BCAS1: variants seen among roughly 807,000 people sequenced by gnomAD.
The protein encoded by BCAS1 is breast carcinoma-amplified sequence 1.
BCAS1 carries 46 observed loss-of-function variants against 65.4 expected under a neutral mutation model. That is an observed-to-expected ratio of 0.70 (90% CI 0.55 to 0.90). The LOEUF is 0.90. Ranked by LOEUF, BCAS1 falls within the 40% of genes least tolerant of loss-of-function variation. The pLI is 0.00. For missense variants in BCAS1, 793 were observed against 771.2 expected, an observed-to-expected ratio of 1.03 and a Z score of -0.33; for synonymous variants, 298 against 293.5, an observed-to-expected ratio of 1.02 and a Z score of -0.16.
chr20:53,960,256 G>A (rs145875053), intron 10 of BCAS1, among the ~76,000 whole-genome samples: 2 of 152,158 alleles, frequency 1.3e-5, no homozygotes, highest in African/African-American at 4.8e-5. Context: ...TAAACTTCCC[G>A]TTAGTTGTTT....
intron 3 of BCAS1, among the ~76,000 whole-genome samples, chr20:54,048,452 T>A (rs2146262743): frequency 6.6e-6 from 1 of 152,208 alleles, no homozygotes; most frequent in Admixed American, 6.5e-5. Flanking sequence ...AGAGGATGCC[T>A]ACATGGTGGC....
intron 9 of BCAS1, among the ~76,000 whole-genome samples, chr20:53,972,114 T>C (rs1436465680): frequency 1.3e-5 from 2 of 152,192 alleles, no homozygotes; most frequent in Non-Finnish European, 2.9e-5. Context: ...TTCTGGAAAG[T>C]TGTAGGTAGA....
chr20:54,040,683 C>G (rs1375734040), intron 3 of BCAS1, among the ~76,000 whole-genome samples: 1 of 151,098 alleles, frequency 6.6e-6, no homozygotes, highest in Non-Finnish European at 1.5e-5. Context: ...ATCAGAGAGA[C>G]AATAACCAGT....
intron 10 of BCAS1, 74 bp from the exon 11 acceptor site, chr20:53,957,571 G>T: frequency 7.3e-7 from 1 of 1,369,692 alleles, no homozygotes; most frequent in Non-Finnish European, 1.0e-6. Flanking sequence ...GTTCTGAAAT[G>T]GATGATCTCA....
chr20:53,953,656 G>C lies in BCAS1; in HGVS notation c.1591C>G (p.Pro531Ala), dbSNP rs1199639988. The C allele has an allele frequency of 1.2e-6, 2 of 1,613,748 alleles. No individual in the cohort carries two copies. Among genetic ancestry groups the C allele is most frequent in the Non-Finnish European group, 8.5e-7 (1 of 1,180,004 alleles). The change falls in exon 12 of 13, where the codon CCT becomes GCT. Residue 531 changes from proline to alanine, a missense_variant. Coordinates refer to ENST00000688948, the MANE Select transcript of BCAS1 (RefSeq NM_001366298.2). ...TTCTGTGGTGCTCCTGTTGGTTCAG[G>C]CTCTGGCGGTGTGATAGTCTTTTCT... ...STEKTITPPE[P>A]EPTGAPQKGK...
At chr20:53,949,288 G>A (rs1311005471) in intron 12 of BCAS1, among the ~76,000 whole-genome samples, 1 of 152,194 alleles carries the variant, frequency 6.6e-6, no homozygotes, top group African/African-American at 2.4e-5. Flanking sequence ...AAAGGAAAAT[G>A]TTTTCAAACA....
At chr20:54,057,658 C>A (rs2092315541) in intron 3 of BCAS1, among the ~76,000 whole-genome samples, 3 of 152,206 alleles carry the variant, frequency 2.0e-5, no homozygotes. Flanking sequence ...GAAACAGGAT[C>A]TTTGCAGATG....
intron 4 of BCAS1, among the ~76,000 whole-genome samples, chr20:54,006,688 C>T (rs1308548386): frequency 2.1e-5 from 3 of 145,222 alleles, no homozygotes; most frequent in African/African-American, 5.3e-5. Flanking sequence ...CCAGCCTGGG[C>T]GACAGAGTGA....
intron 4 of BCAS1, among the ~76,000 whole-genome samples, chr20:54,027,629 T>C (rs1336470990): frequency 6.6e-6 from 1 of 152,218 alleles, no homozygotes; most frequent in Admixed American, 6.5e-5. Context: ...TTTTACTTCC[T>C]TCTTCTTTTA....
chr20:53,995,150 C>T, intron 5 of BCAS1, 94 bp from the exon 6 acceptor site: 1 of 1,038,584 alleles, frequency 9.6e-7, no homozygotes, highest in South Asian at 1.3e-5. Context: ...TGGTCCAGTT[C>T]ACCATACAGG....
intron 7 of BCAS1, 23 bp downstream of exon 7, chr20:53,992,489 T>C: frequency 7.3e-7 from 1 of 1,364,172 alleles, no homozygotes. Context: ...TTGTTTTTCC[T>C]CCTACTTTAA....
chr20:54,052,195 A>T (rs192187067), intron 3 of BCAS1, among the ~76,000 whole-genome samples: 430 of 152,316 alleles, frequency 2.8e-3, no homozygotes, highest in Non-Finnish European at 3.5e-3. Flanking sequence ...TGTAGCCTCC[A>T]CCATGATGAA....
chr20:54,067,969 G>A (rs2092464858), intron 1 of BCAS1, among the ~76,000 whole-genome samples: 1 of 152,212 alleles, frequency 6.6e-6, no homozygotes, highest in African/African-American at 2.4e-5. Flanking sequence ...CAGGAGGAAA[G>A]AACAACCCCG....
intron 7 of BCAS1, 136 bp from the exon 8 acceptor site, chr20:53,985,635 T>A: frequency 3.9e-6 from 3 of 764,682 alleles, no homozygotes; most frequent in Non-Finnish European, 6.0e-6. Flanking sequence ...TTCTGTATTT[T>A]AAAAATTTTT....
At chr20:54,040,708 G>T (rs2091975415) in intron 3 of BCAS1, among the ~76,000 whole-genome samples, 1 of 151,214 alleles carries the variant, frequency 6.6e-6, no homozygotes, top group Admixed American at 6.6e-5. Context: ...GGGAAGATGT[G>T]AAAAAATCGG....
intron 9 of BCAS1, among the ~76,000 whole-genome samples, chr20:53,972,336 T>G (rs1030389180): frequency 6.6e-6 from 1 of 152,214 alleles, no homozygotes; most frequent in African/African-American, 2.4e-5. Context: ...GGACACTGAG[T>G]CAGCTGTGAG....
At chr20:53,960,415 T>C (rs2089838392) in intron 10 of BCAS1, among the ~76,000 whole-genome samples, 2 of 128,536 alleles carry the variant, frequency 1.6e-5, no homozygotes, top group Non-Finnish European at 1.5e-5. Context: ...TCATGAATCA[T>C]GAAAACAGAC....
chr20:54,047,778 T>C lies in BCAS1; in HGVS notation c.142+10307A>G, dbSNP rs529485040. Among the ~76,000 whole-genome samples the C allele has an allele frequency of 4.6e-5, 7 of 152,308 alleles. No homozygotes were observed. The East Asian group carries it at 1.4e-3, about 29-fold the overall frequency. On this transcript the variant is annotated intron_variant, in intron 3 of 12. Transcript: ENST00000688948. ...CAGATTTATAGAAATGAAAGTACAC[T>C]CCACAGAGTGGGAGCAGGTTTGAGC... is the stretch of plus-strand genomic sequence containing the variant.
chr20:54,041,909 C>CAAAAAAA (rs796435949), intron 3 of BCAS1, among the ~76,000 whole-genome samples: 1 of 79,766 alleles, frequency 1.3e-5, no homozygotes, highest in South Asian at 5.4e-4. Flanking sequence ...CTGTCTCCCC[C>CAAAAAAA]AAAAAAAAAA....
Sources: gnomAD v4.1 joint callset for allele counts (sites outside exome capture counted in the v4.1 genomes callset) on GRCh38, gnomAD v4.1.1 for gene constraint, MANE v1.5 for transcripts, NCBI Gene and HGNC (gene_info 2026-07-23, HGNC 2026-07-21) for gene names.